The following ALPL variants were observed in gnomAD, a reference collection of about 807,000 sequenced individuals.
ALPL encodes alkaline phosphatase, tissue-nonspecific isozyme.
Under a neutral mutation model 51.3 loss-of-function variants are expected in ALPL, and 42 were observed. That is an observed-to-expected ratio of 0.82 (90% confidence interval 0.64 to 1.06). The LOEUF is 1.06. Ranked by LOEUF, ALPL falls within the 50% of genes least tolerant of loss-of-function variation. ALPL has a pLI of 0.00. For synonymous variants in ALPL, 279 were observed against 296.4 expected (o/e 0.94, Z 0.60); for missense variants, 589 against 709.4 (o/e 0.83, Z 1.93).
intron 1 of ALPL, among the ~76,000 whole-genome samples, chr1:21,524,459 G>T (rs796226717): frequency 6.6e-6 from 1 of 151,696 alleles, no homozygotes; most frequent in Admixed American, 6.6e-5. Context: ...AATAGCTACC[G>T]CACTCCAGCC....
chr1:21,523,670 C>T (rs953126751), intron 1 of ALPL, among the ~76,000 whole-genome samples: 8 of 152,228 alleles, frequency 5.3e-5, no homozygotes, highest in Admixed American at 1.3e-4. Context: ...CATGTGTCAG[C>T]CCCCTAATCC....
In ALPL at chr1:21,559,040, A is replaced by G. The variant is rs1462150805; in HGVS notation, c.62-1586A>G. The stretch of plus-strand genomic sequence containing the variant: ...AGAGCCAGTGCGTGTGTGAGGAAGG[A>G]GGGCTGTTCTTTACCCACGGCCACT... On this transcript the variant is annotated intron_variant, in intron 2 of 11. Transcript: ENST00000374840. Among the ~76,000 whole-genome samples the G allele has an allele frequency of 2.0e-5, 3 of 152,236 alleles. No homozygotes were observed. The East Asian group carries it at 5.8e-4, about 29-fold the overall frequency.
intron 10 of ALPL, among the ~76,000 whole-genome samples, chr1:21,576,207 TGATGGATGGATGATGGATG>T (rs1644729398): frequency 6.7e-6 from 1 of 149,002 alleles, no homozygotes; most frequent in Admixed American, 6.7e-5. Context: ...GCTGGCTGGA[TGATGGATGGATGATGGATG>T]GATGGATGGA....
chr1:21,548,983 C>T (rs974958618), intron 1 of ALPL, among the ~76,000 whole-genome samples: 3 of 152,202 alleles, frequency 2.0e-5, no homozygotes, highest in Non-Finnish European at 4.4e-5. Context: ...ATACCACTGC[C>T]ACGCAGACAT....
chr1:21,568,278 A>T (rs1644596790), intron 7 of ALPL, 31 bp downstream of exon 7: 3 of 1,613,514 alleles, frequency 1.9e-6, no homozygotes, highest in African/African-American at 2.7e-5. Context: ...GTGGCTGCAG[A>T]GGTGGCCTGT....
chr1:21,572,483 A>C (rs893151624), intron 8 of ALPL, among the ~76,000 whole-genome samples: 7 of 152,114 alleles, frequency 4.6e-5, no homozygotes, highest in African/African-American at 1.7e-4. Context: ...ATCACACACC[A>C]TCATTTCGGT....
At chr1:21,568,567 G>A (rs1189893526) in intron 7 of ALPL, among the ~76,000 whole-genome samples, 1 of 152,150 alleles carries the variant, frequency 6.6e-6, no homozygotes, top group Non-Finnish European at 1.5e-5. Flanking sequence ...CAGAGGCTGA[G>A]TCAGATGGCC....
At chr1:21,550,801 A>T (rs1208479639) in intron 1 of ALPL, among the ~76,000 whole-genome samples, 1 of 152,146 alleles carries the variant, frequency 6.6e-6, no homozygotes, top group Admixed American at 6.5e-5. Context: ...TCTTGGGTTT[A>T]GCTTCCTTTG....
chr1:21,545,340 G>A (rs1224106969), intron 1 of ALPL, among the ~76,000 whole-genome samples: 1 of 152,002 alleles, frequency 6.6e-6, no homozygotes, highest in African/African-American at 2.4e-5. Context: ...GCCCAGGCTG[G>A]AGTACAGCAT....
chr1:21,536,490 G>T (rs531184206), intron 1 of ALPL, among the ~76,000 whole-genome samples: 3 of 152,326 alleles, frequency 2.0e-5, no homozygotes, highest in African/African-American at 7.2e-5. Flanking sequence ...TCAGAGGAAG[G>T]CTTCAGGCAT....
intron 1 of ALPL, among the ~76,000 whole-genome samples, chr1:21,539,257 T>C (rs1219953831): frequency 1.3e-5 from 2 of 152,166 alleles, no homozygotes; most frequent in Non-Finnish European, 2.9e-5. Flanking sequence ...TGTTTTGTCA[T>C]CTGTAAAATG....
At chr1:21,520,253 A>T (rs568353074) in intron 1 of ALPL, among the ~76,000 whole-genome samples, 10 of 152,014 alleles carry the variant, frequency 6.6e-5, no homozygotes, top group Non-Finnish European at 1.5e-4. Flanking sequence ...CCTCCCGAGT[A>T]GCTGGAACTG....
chr1:21,515,755 A>G (rs1643785351), intron 1 of ALPL, among the ~76,000 whole-genome samples: 2 of 152,198 alleles, frequency 1.3e-5, no homozygotes, highest in Non-Finnish European at 1.5e-5. Context: ...CAGTAAAGCC[A>G]CAGGGTGGGT....
intron 4 of ALPL, 35 bp from the exon 5 acceptor site, chr1:21,563,075 C>T (rs754306803): frequency 1.2e-6 from 2 of 1,612,720 alleles, no homozygotes; most frequent in Non-Finnish European, 1.7e-6. Flanking sequence ...GGGCGAAGGC[C>T]TGGCCATCTC....
chr1:21,560,995 C>T (rs1644476588), intron 3 of ALPL, 102 bp from the exon 4 acceptor site: 5 of 1,171,580 alleles, frequency 4.3e-6, no homozygotes, highest in South Asian at 2.6e-5. Flanking sequence ...GCCAACTGCC[C>T]GAGCCTGCCT....
In ALPL at chr1:21,570,505, C is replaced by A. The variant is rs1644632335; in HGVS notation, c.862+131C>A. The A allele has an allele frequency of 8.7e-6, 8 of 916,650 alleles. No homozygotes were observed. In the Admixed American group the frequency reaches 1.7e-4, roughly 20 times the overall value. The allele number at this position is 916,650 out of a possible 1,614,324, so 56.8% of individuals were successfully genotyped here. On this transcript the variant is annotated intron_variant, in intron 8 of 11. Transcript: ENST00000374840. The stretch of plus-strand genomic sequence containing the variant: ...GGGCCTCTGCTCTTGGGCTTCAGGA[C>A]CTGGGAGAGGCAAGGAAGGGGGTTC...
At position 21,563,142 on chromosome 1, in the gene ALPL, T is replaced by C. The variant is rs1780316; in HGVS notation, c.330T>C (p.Ser110=). 1,518,589 of 1,613,716 alleles carry C rather than the reference T, an allele frequency of 0.94. 714,982 individuals carry two copies. The highest frequency in any genetic ancestry group is 0.99 in the East Asian group (44,390 of 44,870). The change falls in exon 5 of 12, where the codon AGT becomes AGC. Residue 110 remains serine, a synonymous_variant. Transcript: ENST00000374840. ...TYNTNAQVPD[S]AGTATAYLCG... ...ACACCAATGCCCAGGTCCCTGACAGTGCCGGCACCGCCACCGCCTACCTGT... is the reference window on the plus strand; with the variant it reads ...ACACCAATGCCCAGGTCCCTGACAGCGCCGGCACCGCCACCGCCTACCTGT...
intron 1 of ALPL, among the ~76,000 whole-genome samples, chr1:21,526,829 A>C (rs1643949671): frequency 6.6e-6 from 1 of 152,136 alleles, no homozygotes; most frequent in Non-Finnish European, 1.5e-5. Context: ...CACTTTAAAA[A>C]ATTATCTGTG....
chr1:21,510,983 C>T lies in ALPL; in HGVS notation c.-105+1466C>T, dbSNP rs113547134. 3.2e-3 allele frequency among the ~76,000 whole-genome samples: 491 copies of T among 152,304 alleles called. 7 individuals are homozygous for T. The highest frequency in any genetic ancestry group is 0.012 in the African/African-American group (484 of 41,564). On this transcript the variant is annotated intron_variant, in intron 1 of 11. Coordinates refer to ENST00000374840, the MANE Select transcript of ALPL (RefSeq NM_000478.6). ...TGAGTGATGATCCCGGTCCATGTGC[C>T]CATTTGTAAAAAGGGGTGTATTCCC... is the stretch of plus-strand genomic sequence containing the variant.
Sources: allele counts gnomAD v4.1 joint callset (sites outside exome capture counted in the v4.1 genomes callset), GRCh38; gene constraint gnomAD v4.1.1; transcripts MANE v1.5; gene names NCBI Gene and HGNC (gene_info 2026-07-23, HGNC 2026-07-21).